EML6: variants seen among roughly 807,000 people sequenced by gnomAD.
EML6 encodes the protein EMAP like 6.
EML6 carries 154 observed loss-of-function variants against 240.1 expected under a neutral mutation model. That is an observed-to-expected ratio of 0.64 (90% CI 0.56 to 0.73). The LOEUF (loss-of-function observed/expected upper bound fraction) is 0.73, where lower values mean the gene tolerates loss of function less well. Among genes scored for constraint, EML6 ranks in the 30% least tolerant of loss-of-function variants. The probability of loss-of-function intolerance (pLI) is 0.00; values close to 1 mark genes in which losing one functional copy is unlikely to be tolerated. For synonymous variants in EML6, 1,148 were observed against 899.0 expected, an observed-to-expected ratio of 1.28 and a Z score of -4.95; for missense variants, 2,964 against 2,474.6, an observed-to-expected ratio of 1.20 and a Z score of -4.20.
At chr2:54,844,374 A>G (rs1669638826) in intron 8 of EML6, 126 bp downstream of exon 8, 2 of 719,850 alleles carry the variant, frequency 2.8e-6, no homozygotes, top group East Asian at 2.7e-5. Context: ...ACGTTAAGAC[A>G]TTTAGCTCAT....
chr2:54,779,681 G>A (rs1240739376), intron 2 of EML6, among the ~76,000 whole-genome samples: 3 of 151,756 alleles, frequency 2.0e-5, no homozygotes, highest in African/African-American at 7.3e-5. Context: ...GGACAACATG[G>A]CAAAACACCA....
At chr2:54,842,559 G>A (rs189530559) in intron 7 of EML6, among the ~76,000 whole-genome samples, 1 of 152,318 alleles carries the variant, frequency 6.6e-6, no homozygotes, top group East Asian at 1.9e-4. Context: ...GTCCTCGAAC[G>A]TCTGATACTT....
At chr2:54,741,907 C>G (rs1324533077) in intron 2 of EML6, among the ~76,000 whole-genome samples, 1 of 152,166 alleles carries the variant, frequency 6.6e-6, no homozygotes, top group Non-Finnish European at 1.5e-5. Flanking sequence ...CCAATGGATG[C>G]TATAACTAGT....
intron 28 of EML6, among the ~76,000 whole-genome samples, chr2:54,930,789 G>A (rs936542327): frequency 1.3e-5 from 2 of 152,000 alleles, no homozygotes; most frequent in South Asian, 2.1e-4. Context: ...GAGCAGAGTG[G>A]GGCCCTGCCA....
Position 54,863,781 on chromosome 2 carries a change from A to G in EML6, c.1826-2A>G. 6.6e-7 allele frequency: 1 copy of G among 1,518,918 alleles called. No individual in the cohort carries two copies. Among genetic ancestry groups the G allele is most frequent in the Non-Finnish European group, 8.9e-7 (1 of 1,118,992 alleles). 94.1% of individuals were successfully genotyped at this position (1,518,918 alleles called of 1,614,324 possible). On this transcript the variant is annotated splice_acceptor_variant, in intron 12 of 41. Transcript: ENST00000356458. LOFTEE classifies it high-confidence loss of function. ...TGTTTCTTGTGGGTTGTATCTCTGC[A>G]GAAGGTGGAGCTGATTCCTACAGTG...
At chr2:54,950,549 C>A (rs1001933683) in intron 29 of EML6, 101 bp from the exon 30 acceptor site, 2 of 1,339,798 alleles carry the variant, frequency 1.5e-6, no homozygotes, top group Non-Finnish European at 2.0e-6. Context: ...CCAGCCATAC[C>A]GTTCCTGGGA....
chr2:54,877,164 T>G (rs1001851661), intron 16 of EML6, among the ~76,000 whole-genome samples: 1 of 151,968 alleles, frequency 6.6e-6, no homozygotes, highest in African/African-American at 2.4e-5. Context: ...TTTGTATTTT[T>G]GTAGAGAGTG....
intron 2 of EML6, among the ~76,000 whole-genome samples, chr2:54,758,250 T>C (rs1031076704): frequency 6.6e-6 from 1 of 152,146 alleles, no homozygotes; most frequent in Non-Finnish European, 1.5e-5. Flanking sequence ...GGGATGCTAA[T>C]TGTCTTGCTT....
At position 54,938,112 on chromosome 2, in the gene EML6, G is replaced by A. The variant is rs1009977897; in HGVS notation, c.4004+9361G>A. ...TGTAATCCTAGCACATTGGGAGGCC[G>A]AGGCGGGCAGATCACCTGAGGTCAG... On this transcript the variant is annotated intron_variant, in intron 28 of 41. Transcript: ENST00000356458. Among the ~76,000 whole-genome samples, 65 of 152,140 alleles carry A rather than the reference G, an allele frequency of 4.3e-4. 4 individuals carry two copies. The highest frequency in any genetic ancestry group is 1.5e-4 in the Non-Finnish European group (10 of 68,028).
intron 28 of EML6, among the ~76,000 whole-genome samples, chr2:54,938,641 T>C (rs1675273210): frequency 6.6e-6 from 1 of 152,188 alleles, no homozygotes; most frequent in South Asian, 2.1e-4. Flanking sequence ...ACACGTCCAC[T>C]ATGGGAACTA....
chr2:54,793,859 A>C (rs2103923303), intron 2 of EML6, among the ~76,000 whole-genome samples: 2 of 152,276 alleles, frequency 1.3e-5, no homozygotes, highest in South Asian at 4.1e-4. Context: ...ACTCCAGCCT[A>C]GGTCTTTTCT....
intron 2 of EML6, among the ~76,000 whole-genome samples, chr2:54,754,216 A>G (rs1363497000): frequency 1.3e-5 from 2 of 151,822 alleles, no homozygotes; most frequent in African/African-American, 4.8e-5. Flanking sequence ...GCCTCAAGCA[A>G]TCCTCCTGCC....
chr2:54,883,519 T>A (rs1671952900), intron 17 of EML6, among the ~76,000 whole-genome samples: 1 of 152,218 alleles, frequency 6.6e-6, no homozygotes, highest in African/African-American at 2.4e-5. Flanking sequence ...AGTCACCCAG[T>A]GTGCAGTTGC....
chr2:54,964,529 C>A, intron 37 of EML6, 42 bp from the exon 38 acceptor site: 1 of 1,543,662 alleles, frequency 6.5e-7, no homozygotes, highest in Non-Finnish European at 8.8e-7. Flanking sequence ...CAGCCCCAAA[C>A]AGCCCTCCTC....
At chr2:54,813,063 T>G (rs911354193) in intron 2 of EML6, among the ~76,000 whole-genome samples, 169 bp from the exon 3 acceptor site, 4 of 152,200 alleles carry the variant, frequency 2.6e-5, no homozygotes, top group African/African-American at 9.6e-5. Context: ...TCTGCTAAAG[T>G]GAACATTTCA....
chr2:54,766,904 T>C (rs988633839), intron 2 of EML6, among the ~76,000 whole-genome samples: 1 of 152,196 alleles, frequency 6.6e-6, no homozygotes, highest in African/African-American at 2.4e-5. Context: ...ATAACATTTA[T>C]TTATTTCTCA....
At chr2:54,836,727 T>G (rs889901900) in intron 7 of EML6, among the ~76,000 whole-genome samples, 1 of 152,156 alleles carries the variant, frequency 6.6e-6, no homozygotes, top group Admixed American at 6.5e-5. Context: ...GGCCCTGCGG[T>G]TGGTTGCATG....
intron 2 of EML6, among the ~76,000 whole-genome samples, chr2:54,782,363 A>T (rs1196956394): frequency 6.6e-6 from 1 of 152,220 alleles, no homozygotes; most frequent in African/African-American, 2.4e-5. Context: ...GGGAAGCATG[A>T]TAAAAATGAG....
chr2:54,884,443 T>A (rs1672011961), intron 17 of EML6, among the ~76,000 whole-genome samples: 1 of 152,162 alleles, frequency 6.6e-6, no homozygotes, highest in African/African-American at 2.4e-5. Context: ...AACTTATCTT[T>A]TGATCCCTCT....
Sources: allele counts gnomAD v4.1 joint callset (sites outside exome capture counted in the v4.1 genomes callset), GRCh38; gene constraint gnomAD v4.1.1; transcripts MANE v1.5; gene names NCBI Gene and HGNC (gene_info 2026-07-23, HGNC 2026-07-21).